Variants in PRELID2 observed in about 807,000 individuals in gnomAD.
PRELID2 encodes PRELI domain containing 2.
PRELID2 carries 25 observed loss-of-function variants against 28.4 expected under a neutral mutation model. That is an observed-to-expected ratio of 0.88 (90% CI 0.64 to 1.23). The LOEUF is 1.23. Ranked by LOEUF, PRELID2 falls within the 50% of genes most tolerant of loss-of-function variation. The pLI is 0.00. For missense variants in PRELID2, 201 were observed against 214.4 expected (o/e 0.94, Z 0.39); for synonymous variants, 76 against 71.6 (o/e 1.06, Z -0.31).
intron 1 of PRELID2, among the ~76,000 whole-genome samples, chr5:145,556,066 T>C (rs1248891982): frequency 2.0e-5 from 3 of 151,098 alleles, no homozygotes; most frequent in African/African-American, 7.3e-5. Context: ...TAGTCCTAGC[T>C]ACTCTGGAGG....
At chr5:145,683,547 C>T (rs1351859457) in intron 1 of PRELID2, among the ~76,000 whole-genome samples, 2 of 152,196 alleles carry the variant, frequency 1.3e-5, no homozygotes, top group African/African-American at 2.4e-5. Context: ...TCGCTATGTC[C>T]TCACATGGCC....
chr5:145,774,267 T>G (rs1758275790), intron 5 of PRELID2, among the ~76,000 whole-genome samples: 1 of 152,188 alleles, frequency 6.6e-6, no homozygotes. Flanking sequence ...TTGTTCAAAG[T>G]CATGTAGCTA....
At chr5:145,720,161 A>G (rs1321387904) in intron 1 of PRELID2, among the ~76,000 whole-genome samples, 1 of 151,858 alleles carries the variant, frequency 6.6e-6, no homozygotes, top group South Asian at 2.1e-4. Flanking sequence ...AAAAGAAAAA[A>G]GAATGTAATA....
chr5:145,290,682 C>T, the PRELID2 span, among the ~76,000 whole-genome samples: 44 of 151,820 alleles, frequency 2.9e-4, 1 homozygote, highest in East Asian at 7.4e-3. Flanking sequence ...TAAACCAACA[C>T]GGTACATGTA....
At chr5:145,360,835 C>T in the PRELID2 span, among the ~76,000 whole-genome samples, 2 of 152,036 alleles carry the variant, frequency 1.3e-5, no homozygotes, top group Non-Finnish European at 2.9e-5. Flanking sequence ...AATTTTGTTT[C>T]ATGTATCTTT....
intron 1 of PRELID2, among the ~76,000 whole-genome samples, chr5:145,598,975 C>T (rs978224771): frequency 6.6e-6 from 1 of 152,094 alleles, no homozygotes; most frequent in Non-Finnish European, 1.5e-5. Flanking sequence ...TCAAAGGCAA[C>T]ATGGTTTTTC....
intron 1 of PRELID2, among the ~76,000 whole-genome samples, chr5:145,505,708 A>T (rs1752405047): frequency 6.6e-6 from 1 of 152,202 alleles, no homozygotes; most frequent in Non-Finnish European, 1.5e-5. Flanking sequence ...TCCCATGTTC[A>T]TTGTTGCATT....
At chr5:145,774,325 CACA>C (rs1758278385) in intron 5 of PRELID2, among the ~76,000 whole-genome samples, 1 of 152,152 alleles carries the variant, frequency 6.6e-6, no homozygotes, top group Non-Finnish European at 1.5e-5. Context: ...CACCTCATTC[CACA>C]ACGAGTGCTT....
At chr5:145,614,569 T>G (rs576046226) in intron 1 of PRELID2, among the ~76,000 whole-genome samples, 1 of 148,174 alleles carries the variant, frequency 6.7e-6, no homozygotes, top group Non-Finnish European at 1.5e-5. Flanking sequence ...GTATTTTATT[T>G]TTATTACTTT....
chr5:145,712,862 T>A (rs1755732791), intron 1 of PRELID2, among the ~76,000 whole-genome samples: 1 of 151,638 alleles, frequency 6.6e-6, no homozygotes, highest in African/African-American at 2.4e-5. Context: ...TCAACACATA[T>A]ATGAAAAAAT....
At chr5:145,428,564 G>A in the PRELID2 span, among the ~76,000 whole-genome samples, 1 of 152,096 alleles carries the variant, frequency 6.6e-6, no homozygotes, top group African/African-American at 2.4e-5. Flanking sequence ...GGGCAGGGAG[G>A]AGGAGATATA....
At chr5:145,610,542 C>T (rs1753598681) in intron 1 of PRELID2, among the ~76,000 whole-genome samples, 1 of 152,172 alleles carries the variant, frequency 6.6e-6, no homozygotes, top group Non-Finnish European at 1.5e-5. Context: ...AGCCACCTAG[C>T]CAATCCACAA....
At chr5:145,725,240 G>C (rs1217195984) in intron 1 of PRELID2, among the ~76,000 whole-genome samples, 1 of 152,014 alleles carries the variant, frequency 6.6e-6, no homozygotes, top group African/African-American at 2.4e-5. Context: ...AACATAATAA[G>C]GTGCTCAGAA....
At chr5:145,835,146 C>A in intron 1 of PRELID2, 31 bp downstream of exon 1, 1 of 1,489,544 alleles carries the variant, frequency 6.7e-7, no homozygotes, top group Non-Finnish European at 9.1e-7. Flanking sequence ...GGAGGCAGCG[C>A]GGGATACGGA....
At chr5:145,457,210 C>CTCCA in the PRELID2 span, among the ~76,000 whole-genome samples, 1 of 152,136 alleles carries the variant, frequency 6.6e-6, no homozygotes, top group African/African-American at 2.4e-5. Flanking sequence ...GTCACTTACT[C>CTCCA]TCCATGTGAC....
At chr5:145,750,097 A>T (rs1055265692) in intron 1 of PRELID2, among the ~76,000 whole-genome samples, 1 of 139,536 alleles carries the variant, frequency 7.2e-6, no homozygotes, top group South Asian at 2.4e-4. Context: ...AAATTAAATT[A>T]AAAAAAAAGA....
intron 1 of PRELID2, among the ~76,000 whole-genome samples, chr5:145,675,671 A>G (rs1238944362): frequency 6.6e-6 from 1 of 152,220 alleles, no homozygotes; most frequent in Non-Finnish European, 1.5e-5. Flanking sequence ...GCACAGGCCA[A>G]ATCTCCAGGC....
At chr5:145,420,553 G>T in the PRELID2 span, among the ~76,000 whole-genome samples, 1 of 139,384 alleles carries the variant, frequency 7.2e-6, no homozygotes, top group African/African-American at 2.6e-5. Flanking sequence ...TGGTGTATAA[G>T]AATGCTTGTG....
chr5:145,375,179 A>ATTGTTG, the PRELID2 span, among the ~76,000 whole-genome samples: 2,095 of 151,712 alleles, frequency 0.014, 39 homozygotes, highest in African/African-American at 0.048. Flanking sequence ...GGGCTTTTTT[A>ATTGTTG]TTGTTGTCAT....
Sources: gnomAD v4.1 joint callset for allele counts (sites outside exome capture counted in the v4.1 genomes callset) on GRCh38, gnomAD v4.1.1 for gene constraint, MANE v1.5 for transcripts, NCBI Gene and HGNC (gene_info 2026-07-23, HGNC 2026-07-21) for gene names.